C3orf85: variants seen among roughly 807,000 people sequenced by gnomAD.
C3orf85 encodes uncharacterized protein C3orf85.
In C3orf85, 1 loss-of-function variant was observed where a neutral mutation model predicts 1.7. That is an observed-to-expected ratio of 0.60 (90% confidence interval 0.21 to 2.86). C3orf85 has a LOEUF of 2.86. C3orf85 is among the 30% of genes most tolerant of loss of function. The pLI is 0.22. For missense variants in C3orf85, 29 were observed against 21.3 expected, an observed-to-expected ratio of 1.36 and a Z score of -0.72; for synonymous variants, 17 against 8.0, an observed-to-expected ratio of 2.13 and a Z score of -1.90.
intron 2 of C3orf85, among the ~76,000 whole-genome samples, chr3:109,143,393 T>C (rs1406189808): frequency 6.6e-6 from 1 of 152,230 alleles, no homozygotes; most frequent in Non-Finnish European, 1.5e-5. Context: ...CTTTCATTTC[T>C]AATGATGCAG....
chr3:109,148,621 G>A (rs1034695828), intron 3 of C3orf85: 13 of 461,174 alleles, frequency 2.8e-5, no homozygotes, highest in African/African-American at 1.0e-4. Context: ...TTCTCAGGGC[G>A]ACATTTGTCT....
At chr3:109,143,122 A>G (rs1706759284) in intron 2 of C3orf85, among the ~76,000 whole-genome samples, 1 of 152,222 alleles carries the variant, frequency 6.6e-6, no homozygotes, top group Non-Finnish European at 1.5e-5. Context: ...GGAGCAGAGC[A>G]CACATAGGGG....
intron 2 of C3orf85, among the ~76,000 whole-genome samples, chr3:109,137,279 T>C (rs1706688217): frequency 6.6e-6 from 1 of 152,060 alleles, no homozygotes. Flanking sequence ...AACATGAATT[T>C]ATTAACCTTT....
At chr3:109,139,267 C>A (rs115017345) in intron 2 of C3orf85, among the ~76,000 whole-genome samples, 3,230 of 152,292 alleles carry the variant, frequency 0.021, 146 homozygotes, top group African/African-American at 0.075. Flanking sequence ...GCTCACAGAG[C>A]AAGACGTCCT....
At chr3:109,144,529 A>T (rs964995599) in intron 2 of C3orf85, among the ~76,000 whole-genome samples, 6 of 152,190 alleles carry the variant, frequency 3.9e-5, no homozygotes, top group African/African-American at 1.4e-4. Context: ...GAGGAGAAGG[A>T]GATTGTATCG....
At chr3:109,144,346 T>C (rs1706773038) in intron 2 of C3orf85, among the ~76,000 whole-genome samples, 2 of 152,218 alleles carry the variant, frequency 1.3e-5, no homozygotes, top group African/African-American at 4.8e-5. Flanking sequence ...TGACTTACTA[T>C]ATGACCTTGA....
intron 3 of C3orf85, chr3:109,149,434 G>A (rs1273789868): frequency 6.4e-6 from 1 of 157,470 alleles, no homozygotes; most frequent in Non-Finnish European, 1.4e-5. Context: ...ATTAAAACAA[G>A]ACATTTGTTT....
At chr3:109,142,042 A>G (rs927766536) in intron 2 of C3orf85, among the ~76,000 whole-genome samples, 2 of 152,106 alleles carry the variant, frequency 1.3e-5, no homozygotes, top group Middle Eastern at 3.2e-3. Flanking sequence ...AAAAAAAATT[A>G]CTTAACAAAG....
At position 109,137,666 on chromosome 3, in the gene C3orf85, T is replaced by TATATATAA. The variant is rs1373214584; in HGVS notation, c.49+773_49+774insTATAAATA. Among the ~76,000 whole-genome samples, 5 of 142,864 alleles carry TATATATAA rather than the reference T, an allele frequency of 3.5e-5. No homozygotes were observed. The Admixed American group carries it at 3.5e-4, about 10-fold the overall frequency. 93.7% of individuals were successfully genotyped at this position (142,864 alleles called of 152,430 possible). ...ATATATATATATATATATATATATATATAAAATAAGCCTTCAATTCCTAAA... is the reference window on the plus strand; with the variant it reads ...ATATATATATATATATATATATATATATATATAAATAAAATAAGCCTTCAATTCCTAAA... On this transcript the variant is annotated intron_variant, in intron 2 of 3. Coordinates refer to ENST00000622536, the MANE Select transcript of C3orf85 (RefSeq NM_001351622.2).
intron 2 of C3orf85, among the ~76,000 whole-genome samples, chr3:109,143,988 A>G (rs1425898900): frequency 6.6e-6 from 1 of 152,222 alleles, no homozygotes; most frequent in Non-Finnish European, 1.5e-5. Context: ...AAAGCTGACT[A>G]TGATGTGAGT....
Position 109,151,399 on chromosome 3 carries a change from G to C in C3orf85, c.*1505G>C, listed in dbSNP as rs1003166259. 2.0e-5 allele frequency among the ~76,000 whole-genome samples: 3 copies of C among 151,906 alleles called. No individual in the cohort carries two copies. Among genetic ancestry groups the C allele is most frequent in the African/African-American group, 7.3e-5 (3 of 41,264 alleles). ...TTACATCCCAATAAACCCGTCACAC[G>C]CTGAAAATATCATAAGTCAAAAGTG... On this transcript the variant is annotated 3_prime_UTR_variant, in exon 4 of 4. Transcript: ENST00000622536.
intron 2 of C3orf85, among the ~76,000 whole-genome samples, chr3:109,139,347 G>T (rs1706714490): frequency 6.6e-6 from 1 of 152,140 alleles, no homozygotes; most frequent in Non-Finnish European, 1.5e-5. Flanking sequence ...TTAAGAAGCT[G>T]GGTGACCTTA....
intron 3 of C3orf85, chr3:109,149,155 T>A (rs1056310658): frequency 6.8e-6 from 1 of 146,752 alleles, no homozygotes; most frequent in African/African-American, 2.4e-5. Context: ...CAAAGTTGTA[T>A]AATGAATGAA....
chr3:109,145,486 G>A (rs948965450), intron 2 of C3orf85, among the ~76,000 whole-genome samples: 3 of 152,068 alleles, frequency 2.0e-5, no homozygotes, highest in Admixed American at 6.6e-5. Flanking sequence ...GGGTTAATGC[G>A]GAGTTGTTTA....
At chr3:109,148,673 G>T in intron 3 of C3orf85, 1 of 333,740 alleles carries the variant, frequency 3.0e-6, no homozygotes, top group Non-Finnish European at 5.6e-6. Context: ...CAAATAAATA[G>T]CTCTCAAAAT....
intron 1 of C3orf85, 49 bp downstream of exon 1, chr3:109,136,790 A>C: frequency 2.5e-6 from 1 of 405,598 alleles, no homozygotes; most frequent in Non-Finnish European, 4.4e-6. Context: ...ATATACCCTA[A>C]GGCTTTTTCC....
chr3:109,148,616 A>T (rs1316344440), intron 3 of C3orf85: 1 of 477,300 alleles, frequency 2.1e-6, no homozygotes, highest in East Asian at 3.7e-5. Flanking sequence ...CCTTCTTCTC[A>T]GGGCGACATT....
chr3:109,145,671 AG>A (rs963002602), intron 2 of C3orf85, among the ~76,000 whole-genome samples: 6 of 152,232 alleles, frequency 3.9e-5, no homozygotes, highest in African/African-American at 1.4e-4. Context: ...TTTTTTAAAA[AG>A]TAAATCTGGT....
intron 2 of C3orf85, among the ~76,000 whole-genome samples, chr3:109,143,797 T>C (rs188620761): frequency 1.1e-4 from 16 of 152,316 alleles, no homozygotes; most frequent in African/African-American, 3.4e-4. Context: ...ACCTAGCTGG[T>C]CACTGGCGAG....
Sources: allele counts gnomAD v4.1 joint callset (sites outside exome capture counted in the v4.1 genomes callset), GRCh38; gene constraint gnomAD v4.1.1; transcripts MANE v1.5; gene names NCBI Gene and HGNC (gene_info 2026-07-23, HGNC 2026-07-21).